The following ANKFN1 variants were observed in gnomAD, a reference collection of about 807,000 sequenced individuals.
ANKFN1 encodes the protein ankyrin repeat and fibronectin type-III domain-containing protein 1.
In ANKFN1, 74 loss-of-function variants were observed where a neutral mutation model predicts 108.7. The observed-to-expected ratio is 0.68, with a 90% CI of 0.56 to 0.83. The LOEUF (loss-of-function observed/expected upper bound fraction) is 0.83. Among genes scored for constraint, ANKFN1 ranks in the 40% least tolerant of loss-of-function variants. The pLI is 0.00. For missense variants in ANKFN1, 1,505 were observed against 1,382.3 expected, an observed-to-expected ratio of 1.09 and a Z score of -1.41; for synonymous variants, 547 against 516.2, an observed-to-expected ratio of 1.06 and a Z score of -0.81.
chr17:56,081,348 T>G (rs77137811), intron 4 of ANKFN1, among the ~76,000 whole-genome samples: 1 of 57,202 alleles, frequency 1.7e-5, no homozygotes. Flanking sequence ...ATTTATTTAT[T>G]TATTTATTAT....
intron 4 of ANKFN1, among the ~76,000 whole-genome samples, chr17:56,064,027 G>A (rs556847910): frequency 1.3e-5 from 2 of 152,188 alleles, no homozygotes; most frequent in South Asian, 4.1e-4. Flanking sequence ...GTTTGTTGGG[G>A]GTTCACTTCA....
At chr17:56,451,639 G>C (rs1301283729) in intron 11 of ANKFN1, among the ~76,000 whole-genome samples, 1 of 152,094 alleles carries the variant, frequency 6.6e-6, no homozygotes, top group Non-Finnish European at 1.5e-5. Context: ...ACAGTTTCTT[G>C]ATCAGCAAAG....
chr17:56,134,604 A>G (rs1191231995), intron 4 of ANKFN1, among the ~76,000 whole-genome samples: 1 of 152,170 alleles, frequency 6.6e-6, no homozygotes, highest in East Asian at 1.9e-4. Context: ...TAGCATCCCT[A>G]TTGTTCAGGA....
chr17:56,139,575 C>A (rs545314869), intron 4 of ANKFN1, among the ~76,000 whole-genome samples: 1 of 152,070 alleles, frequency 6.6e-6, no homozygotes, highest in African/African-American at 2.4e-5. Flanking sequence ...CTGTTGCCGA[C>A]AGACAGAGGA....
chr17:56,451,744 A>G (rs2049497100), intron 11 of ANKFN1, among the ~76,000 whole-genome samples: 1 of 152,182 alleles, frequency 6.6e-6, no homozygotes, highest in South Asian at 2.1e-4. Flanking sequence ...GGCAAACTGT[A>G]ACTTATTTTT....
At chr17:56,492,919 G>C (rs1297347351) in intron 19 of ANKFN1, among the ~76,000 whole-genome samples, 1 of 152,066 alleles carries the variant, frequency 6.6e-6, no homozygotes, top group Non-Finnish European at 1.5e-5. Flanking sequence ...CTTGTGAAAG[G>C]GGTACTGACT....
chr17:56,347,893 A>G (rs2046147956), intron 4 of ANKFN1, among the ~76,000 whole-genome samples: 1 of 152,098 alleles, frequency 6.6e-6, no homozygotes, highest in Non-Finnish European at 1.5e-5. Flanking sequence ...GAATTTGATC[A>G]ATAGACAAGA....
chr17:56,046,370 T>G (rs1904678136), intron 4 of ANKFN1: 1 of 152,750 alleles, frequency 6.5e-6, no homozygotes, highest in Non-Finnish European at 1.5e-5. Context: ...AAAGGAATGC[T>G]GGGGAGGGGT....
At chr17:56,428,959 A>G (rs2048666126) in intron 8 of ANKFN1, among the ~76,000 whole-genome samples, 1 of 151,770 alleles carries the variant, frequency 6.6e-6, no homozygotes, top group African/African-American at 2.4e-5. Context: ...TACTCTACAG[A>G]TGTTGGCCAC....
At chr17:56,297,382 C>T (rs931110633) in intron 3 of ANKFN1, among the ~76,000 whole-genome samples, 4 of 152,116 alleles carry the variant, frequency 2.6e-5, no homozygotes, top group African/African-American at 9.7e-5. Flanking sequence ...GAGAAAAGGG[C>T]AGGAGGGTGA....
chr17:56,383,110 A>G (rs1279279067), intron 8 of ANKFN1, among the ~76,000 whole-genome samples: 1 of 152,240 alleles, frequency 6.6e-6, no homozygotes, highest in South Asian at 2.1e-4. Flanking sequence ...GTAAAAGAAT[A>G]GAAATTATAA....
chr17:56,186,378 A>T (rs893565897), intron 1 of ANKFN1, among the ~76,000 whole-genome samples: 1 of 152,204 alleles, frequency 6.6e-6, no homozygotes, highest in African/African-American at 2.4e-5. Context: ...ATCATGTTTG[A>T]TCCTCAATAA....
intron 4 of ANKFN1, among the ~76,000 whole-genome samples, chr17:56,144,078 A>C (rs2143406487): frequency 6.9e-6 from 1 of 143,890 alleles, no homozygotes; most frequent in Admixed American, 7.2e-5. Flanking sequence ...GTGCTCCCAG[A>C]GGGCAGAGGT....
intron 3 of ANKFN1, among the ~76,000 whole-genome samples, chr17:56,308,100 G>T (rs894349477): frequency 3.9e-5 from 6 of 152,250 alleles, no homozygotes; most frequent in African/African-American, 1.4e-4. Flanking sequence ...GATCGGGGGA[G>T]TGGGGAGGGA....
intron 14 of ANKFN1, among the ~76,000 whole-genome samples, chr17:56,458,924 C>T (rs184293377): frequency 1.4e-4 from 21 of 152,292 alleles, no homozygotes; most frequent in African/African-American, 4.8e-4. Flanking sequence ...ATAGGAATGT[C>T]ATTTCTTAAA....
At chr17:56,053,621 G>A (rs1331067584) in intron 4 of ANKFN1, among the ~76,000 whole-genome samples, 2 of 152,190 alleles carry the variant, frequency 1.3e-5, no homozygotes, top group South Asian at 2.1e-4. Context: ...ACATGGGAGT[G>A]CAGATATCTT....
intron 8 of ANKFN1, among the ~76,000 whole-genome samples, chr17:56,412,835 T>A (rs905270954): frequency 2.0e-5 from 3 of 152,226 alleles, no homozygotes; most frequent in Non-Finnish European, 4.4e-5. Flanking sequence ...TACTCCTTAA[T>A]AAACTTCCTT....
intron 3 of ANKFN1, among the ~76,000 whole-genome samples, chr17:56,269,796 G>A (rs943404739): frequency 6.6e-6 from 1 of 152,200 alleles, no homozygotes; most frequent in Non-Finnish European, 1.5e-5. Context: ...AAAGAAATTA[G>A]AGTAGGGAAA....
At chr17:56,503,634 T>C (rs906381445) in intron 20 of ANKFN1, among the ~76,000 whole-genome samples, 1 of 151,168 alleles carries the variant, frequency 6.6e-6, no homozygotes, top group African/African-American at 2.4e-5. Context: ...AAAAAAGCAA[T>C]AGCTTTAAGT....
Sources: allele counts gnomAD v4.1 joint callset (sites outside exome capture counted in the v4.1 genomes callset), GRCh38; gene constraint gnomAD v4.1.1; transcripts MANE v1.5; gene names NCBI Gene and HGNC (gene_info 2026-07-23, HGNC 2026-07-21).